Variants in LRP1 observed in about 807,000 individuals in gnomAD.
LRP1 encodes LDL receptor related protein 1.
In LRP1, 51 loss-of-function variants were observed where a neutral mutation model predicts 541.5. That is an observed-to-expected ratio of 0.09 (90% confidence interval 0.08 to 0.12). LRP1 has a LOEUF of 0.12. LRP1 is among the 10% of genes least tolerant of loss of function. The pLI is 1.00. For missense variants in LRP1, 3,878 were observed against 6,376.2 expected (o/e 0.61, Z 13.34); for synonymous variants, 2,219 against 2,470.8 (o/e 0.90, Z 3.02).
In LRP1 at chr12:57,211,714, G is replaced by A. The variant is rs769312815; in HGVS notation, c.13194-36G>A. ...TTTCCTGGCAGCAGTGGCTATGGAG[G>A]TTATACCTACTCAGCCGTGTCCCTC... is the stretch of plus-strand genomic sequence containing the variant. On this transcript the variant is annotated intron_variant, in intron 85 of 88. Coordinates refer to ENST00000243077, the MANE Select transcript of LRP1 (RefSeq NM_002332.3). The surrounding 1 kb of genome is among the most constrained non-coding windows in gnomAD (Gnocchi z 4.3). The A allele has an allele frequency of 2.5e-6, 4 of 1,611,340 alleles. No homozygotes were observed. Among genetic ancestry groups the A allele is most frequent in the Non-Finnish European group, 3.4e-6 (4 of 1,178,484 alleles).
Position 57,158,680 on chromosome 12 carries a change from G to A in LRP1, c.1798+42G>A, listed in dbSNP as rs1425204890. 2.5e-6 allele frequency: 4 copies of A among 1,575,056 alleles called. No homozygotes were observed. Among genetic ancestry groups the A allele is most frequent in the Non-Finnish European group, 3.5e-6 (4 of 1,146,264 alleles). On this transcript the variant is annotated intron_variant, in intron 11 of 88. Coordinates refer to ENST00000243077, the MANE Select transcript of LRP1 (RefSeq NM_002332.3). This position sits in a 1 kb window ranked among gnomAD's most constrained non-coding sequence, Gnocchi z 5.3. ...ATGTGGCCCATGGGGATGGAAGGGG[G>A]CTGGGGCCCAGGCATCTGTTTCTCG...
chr12:57,128,638 ATTTTTGCAGCC>A lies in LRP1; in HGVS notation c.-326_-316del. On this transcript the variant is annotated 5_prime_UTR_variant, in exon 1 of 89. Transcript: ENST00000243077. ...CCTCCCCGCCTCCTCCCAATTGTGC[ATTTTTGCAGCC>A]GGAGGCGGCTCCGAGATGGGGCTGT... 1 of 380,746 alleles carries A rather than the reference ATTTTTGCAGCC, an allele frequency of 2.6e-6. No individual in the cohort carries two copies. The highest frequency in any genetic ancestry group is 4.6e-6 in the Non-Finnish European group (1 of 215,850). The allele number at this position is 380,746 out of a possible 1,614,324, so 23.6% of individuals were successfully genotyped here.
At chr12:57,210,513 TGCCCCTGGGCCCCA>T (rs2036886793) in intron 82 of LRP1, 33 bp downstream of exon 82, 1 of 1,516,340 alleles carries the variant, frequency 6.6e-7, no homozygotes, top group Middle Eastern at 2.4e-4. Context: ...GCCTGCTCCT[TGCCCCTGGGCCCCA>T]GCCCCGCCAC....
Position 57,200,700 on chromosome 12 carries a change from T to C in LRP1, c.10110T>C (p.Pro3370=). Residue 3370 remains proline, a splice_region_variant and synonymous_variant, in exon 64 of 89, where the codon CCT becomes CCC. Coordinates refer to ENST00000243077, the MANE Select transcript of LRP1 (RefSeq NM_002332.3). ...GDHSDEPPDC[P]EFKCRPGQFQ... ...ACTCTGAGCCTCCCTCTCTGGCAGC[T>C]GAGTTCAAGTGCCGGCCCGGACAGT... 6.2e-7 allele frequency: 1 copy of C among 1,613,396 alleles called. No individual in the cohort carries two copies. Among genetic ancestry groups the C allele is most frequent in the Admixed American group, 1.7e-5 (1 of 60,014 alleles).
At chr12:57,161,950 A>G (rs1321985606) in intron 13 of LRP1, among the ~76,000 whole-genome samples, 1 of 152,114 alleles carries the variant, frequency 6.6e-6, no homozygotes, top group Non-Finnish European at 1.5e-5. Flanking sequence ...GAATGGATGA[A>G]TACTGCCCGT....
At position 57,166,987 on chromosome 12, in the gene LRP1, C is replaced by T. The variant is rs1345927802; in HGVS notation, c.2855C>T (p.Ser952Phe). ...SCASGRCIPI[S>F]WTCDLDDDCG... ...GCCAGTGGCCGCTGCATCCCCATCT[C>T]CTGGACGTGTGATCTGGATGACGAC... Residue 952 changes from serine to phenylalanine, a missense_variant, in exon 18 of 89, where the codon TCC becomes TTC. Physicochemically the swap from Ser to Phe is radical, Grantham distance 155. Around this residue, in one of 13 missense-constraint regions of LRP1, gnomAD observed 320 missense variants for 547.9 expected, o/e 0.58. Coordinates refer to ENST00000243077, the MANE Select transcript of LRP1 (RefSeq NM_002332.3). 9 of 1,614,072 alleles carry T rather than the reference C, an allele frequency of 5.6e-6. No individual in the cohort carries two copies. Among genetic ancestry groups the T allele is most frequent in the African/African-American group, 1.3e-5 (1 of 74,922 alleles).
intron 34 of LRP1, among the ~76,000 whole-genome samples, chr12:57,182,516 T>TAAA (rs530599434): frequency 8.8e-6 from 1 of 113,860 alleles, no homozygotes. Context: ...CCATCTCAAT[T>TAAA]AAAAAAAAAA....
chr12:57,155,488 G>A (rs1276432284), intron 8 of LRP1: 1 of 154,234 alleles, frequency 6.5e-6, no homozygotes, highest in Non-Finnish European at 1.4e-5. Flanking sequence ...GACACGGATA[G>A]ATAGCAGTGT....
At chr12:57,161,615 C>A (rs539171462) in intron 13 of LRP1, among the ~76,000 whole-genome samples, 1 of 152,234 alleles carries the variant, frequency 6.6e-6, no homozygotes, top group South Asian at 2.1e-4. Context: ...TTTCTCCCCA[C>A]TTCCTTCATC....
chr12:57,193,217 G>A lies in LRP1; in HGVS notation c.7597G>A (p.Ala2533Thr). ...SCRAQDEFEC[A>T]NGECINFSLT... ...CCGAGCACAAGATGAGTTTGAGTGT[G>A]CCAATGGCGAGTGCATCAACTTCAG... Residue 2533 changes from alanine (A) to threonine (T), a missense_variant, in exon 46 of 89, where the codon GCC becomes ACC. Ala to Thr is a moderately conservative substitution (Grantham distance 58, BLOSUM62 0). Around this residue, in one of 13 missense-constraint regions of LRP1, gnomAD observed 1,100 missense variants for 1,827.4 expected, o/e 0.60. Coordinates refer to ENST00000243077, the MANE Select transcript of LRP1 (RefSeq NM_002332.3). 6.2e-7 allele frequency: 1 copy of A among 1,614,154 alleles called. No individual in the cohort carries two copies. The highest frequency in any genetic ancestry group is 1.3e-5 in the African/African-American group (1 of 75,048).
Position 57,165,482 on chromosome 12 carries a change from A to C in LRP1, c.2531-323A>C, listed in dbSNP as rs557180216. On this transcript the variant is annotated intron_variant, in intron 15 of 88. Coordinates refer to ENST00000243077, the MANE Select transcript of LRP1 (RefSeq NM_002332.3). This position sits in a 1 kb window ranked among gnomAD's most constrained non-coding sequence, Gnocchi z 4.5. ...GGAGATGACTTCCAAGGGGAAGTTC[A>C]TGGAGAAGTCAGGGAAGGAGTGGGG... 3.5e-5 allele frequency: 8 copies of C among 228,802 alleles called. No individual in the cohort carries two copies. The highest frequency in any genetic ancestry group is 6.0e-5 in the Non-Finnish European group (7 of 115,746). 14.2% of individuals were successfully genotyped at this position (228,802 alleles called of 1,614,324 possible).
Position 57,175,722 on chromosome 12 carries a change from G to A in LRP1, c.3793+17G>A. 6.4e-7 allele frequency: 1 copy of A among 1,558,000 alleles called. No homozygotes were observed. The highest frequency in any genetic ancestry group is 8.7e-7 in the Non-Finnish European group (1 of 1,150,238). On this transcript the variant is annotated intron_variant, in intron 23 of 88. Coordinates refer to ENST00000243077, the MANE Select transcript of LRP1 (RefSeq NM_002332.3). ...GCAGCCTGGGTGAGACAACAGTGAG[G>A]TGTGGTGGGGCAGGCCGAGGCAGGC...
chr12:57,161,905 A>G (rs1458806802), intron 13 of LRP1, among the ~76,000 whole-genome samples: 1 of 152,166 alleles, frequency 6.6e-6, no homozygotes, highest in African/African-American at 2.4e-5. Flanking sequence ...ACTACAGCTC[A>G]GCCCCTAACA....
In LRP1 at chr12:57,162,901, C is replaced by T; in HGVS notation, c.2448C>T (p.Ser816=). 6.2e-7 allele frequency: 1 copy of T among 1,608,786 alleles called. No individual in the cohort carries two copies. Among genetic ancestry groups the T allele is most frequent in the African/African-American group, 1.3e-5 (1 of 75,030 alleles). The change falls in exon 15 of 89, where the codon AGC becomes AGT. Residue 816 remains serine (S), a synonymous_variant. Transcript: ENST00000243077. The surrounding 1 kb of genome is among the most constrained non-coding windows in gnomAD (Gnocchi z 5.2). ...GGGTGAACAATGGCGGCTGCAGCAG[C>T]CTGTGCTTGGCCACCCCTGGGAGCC... The part of the protein sequence containing the change: ...KCRVNNGGCS[S]LCLATPGSRQ...
chr12:57,128,980 T>C lies in LRP1; in HGVS notation c.16T>C (p.Leu6=), dbSNP rs2034976881. Residue 6 remains leucine (L), a synonymous_variant, in exon 1 of 89, where the codon TTG becomes CTG. Transcript: ENST00000243077. MLTPP[L]LLLLPLLSAL... ...AGCCCACACCATGCTGACCCCGCCG[T>C]TGCTCCTGCTGCTGCCCCTGCTCTC... 6.4e-7 allele frequency: 1 copy of C among 1,551,092 alleles called. No homozygotes were observed.
intron 2 of LRP1, among the ~76,000 whole-genome samples, chr12:57,140,763 C>T (rs561182463): frequency 1.3e-5 from 2 of 152,274 alleles, no homozygotes; most frequent in African/African-American, 4.8e-5. Context: ...AGACAGATCT[C>T]GCTCTGTCGC....
At chr12:57,148,393 A>C (rs2035457869) in intron 6 of LRP1, among the ~76,000 whole-genome samples, 1 of 152,122 alleles carries the variant, frequency 6.6e-6, no homozygotes, top group Non-Finnish European at 1.5e-5. Context: ...TGAGGCCCAG[A>C]GGGATCAACA....
Position 57,178,271 on chromosome 12 carries a change from G to T in LRP1, c.4362-88G>T, listed in dbSNP as rs1435405216. 2 of 1,486,404 alleles carry T rather than the reference G, an allele frequency of 1.3e-6. No individual in the cohort carries two copies. The highest frequency in any genetic ancestry group is 1.8e-6 in the Non-Finnish European group (2 of 1,090,244). The allele number at this position is 1,486,404 out of a possible 1,614,324, so 92.1% of individuals were successfully genotyped here. A position where few individuals can be genotyped will look rare whatever the true frequency, so the allele number is the denominator to read the frequency against. ...CATGCTCTTCGCTGGGAGGGCTGTG[G>T]CCAGGGCCCAGAGGGTGGGCACCTG... On this transcript the variant is annotated intron_variant, in intron 26 of 88. Transcript: ENST00000243077. The surrounding 1 kb of genome is among the most constrained non-coding windows in gnomAD (Gnocchi z 5.8).
intron 12 of LRP1, among the ~76,000 whole-genome samples, chr12:57,160,318 C>A (rs1049524570): frequency 6.6e-6 from 1 of 152,170 alleles, no homozygotes; most frequent in Non-Finnish European, 1.5e-5. Flanking sequence ...TGTCTGACCT[C>A]ATCTGCATCC....
Sources: allele counts gnomAD v4.1 joint callset (sites outside exome capture counted in the v4.1 genomes callset), GRCh38; gene constraint gnomAD v4.1.1; regional missense constraint gnomAD v4.1.1; non-coding constraint Gnocchi (gnomAD v3.1); transcripts MANE v1.5; gene names NCBI Gene and HGNC (gene_info 2026-07-23, HGNC 2026-07-21).